Variants in RALGPS2 observed in about 807,000 individuals in gnomAD.
RALGPS2 encodes the protein ras-specific guanine nucleotide-releasing factor RalGPS2.
RALGPS2 carries 43 observed loss-of-function variants against 86.8 expected under a neutral mutation model. The observed-to-expected ratio is 0.50, with a 90% CI of 0.39 to 0.64. The LOEUF (loss-of-function observed/expected upper bound fraction) is 0.64, where lower values mean the gene tolerates loss of function less well. Ranked by LOEUF, RALGPS2 falls within the 30% of genes least tolerant of loss-of-function variation. The pLI, the probability that RALGPS2 is intolerant of heterozygous loss-of-function variation, is 0.00. For synonymous variants in RALGPS2, 243 were observed against 231.3 expected (o/e 1.05, Z -0.46); for missense variants, 536 against 694.6 (o/e 0.77, Z 2.57).
At chr1:178,731,068 C>T (rs1650318942) in intron 1 of RALGPS2, among the ~76,000 whole-genome samples, 1 of 151,958 alleles carries the variant, frequency 6.6e-6, no homozygotes, top group Non-Finnish European at 1.5e-5. Flanking sequence ...TTGATTTACT[C>T]CTTTGTTTTG....
chr1:178,890,195 T>C (rs767129849), intron 14 of RALGPS2, among the ~76,000 whole-genome samples: 3 of 151,970 alleles, frequency 2.0e-5, no homozygotes, highest in African/African-American at 4.8e-5. Flanking sequence ...TGAAATACTC[T>C]AAGTTGTGCT....
At chr1:178,835,931 C>T (rs550054480) in intron 8 of RALGPS2, among the ~76,000 whole-genome samples, 4 of 152,238 alleles carry the variant, frequency 2.6e-5, no homozygotes, top group African/African-American at 7.2e-5. Context: ...TAATTTGTAT[C>T]TTCTAGAAAA....
intron 7 of RALGPS2, among the ~76,000 whole-genome samples, chr1:178,830,868 A>G (rs1655981947): frequency 6.6e-6 from 1 of 152,186 alleles, no homozygotes; most frequent in Admixed American, 6.5e-5. Flanking sequence ...TGTCCAACAC[A>G]AGAATTTGCA....
At chr1:178,732,252 C>A (rs2102004419) in intron 1 of RALGPS2, among the ~76,000 whole-genome samples, 1 of 152,136 alleles carries the variant, frequency 6.6e-6, no homozygotes, top group Middle Eastern at 3.4e-3. Flanking sequence ...AGTAAGGGCT[C>A]ACTTGAGATA....
At chr1:178,818,629 A>G (rs1264400794) in intron 6 of RALGPS2, among the ~76,000 whole-genome samples, 1 of 146,770 alleles carries the variant, frequency 6.8e-6, no homozygotes, top group Non-Finnish European at 1.5e-5. Context: ...GAATCAGTGG[A>G]CACAGAGCCA....
At chr1:178,856,185 T>G (rs1201753502) in intron 8 of RALGPS2, among the ~76,000 whole-genome samples, 1 of 121,710 alleles carries the variant, frequency 8.2e-6, no homozygotes, top group Non-Finnish European at 1.6e-5. Context: ...TTACCTGTAC[T>G]TTTCCAGAGA....
At chr1:178,886,890 G>A (rs1451792449) in intron 13 of RALGPS2, among the ~76,000 whole-genome samples, 1 of 152,112 alleles carries the variant, frequency 6.6e-6, no homozygotes, top group Non-Finnish European at 1.5e-5. Flanking sequence ...GATGAGAATG[G>A]GGAATTGACT....
rs1404706900 is a variant in RALGPS2 at position 178,731,279 on chromosome 1, T to G, written c.-84+5860T>G. Reference sequence around the variant, plus strand: ...ACTTTTCTAGTTGTTTTGGTTTTTTTTTTTTTTTTTTTTTTTTTTTTTGAG... The same window carrying G: ...ACTTTTCTAGTTGTTTTGGTTTTTTGTTTTTTTTTTTTTTTTTTTTTTGAG... On this transcript the variant is annotated intron_variant, in intron 1 of 19. Transcript: ENST00000367635. Among the ~76,000 whole-genome samples the G allele has an allele frequency of 3.6e-5, 4 of 109,738 alleles. No individual in the cohort carries two copies. The South Asian group carries it at 1.4e-3, about 38-fold the overall frequency. The allele number at this position is 109,738 out of a possible 152,430, so 72.0% of individuals were successfully genotyped here. A position where few individuals can be genotyped will look rare whatever the true frequency, so the allele number is the denominator to read the frequency against.
chr1:178,807,053 C>A (rs770539881), intron 4 of RALGPS2, among the ~76,000 whole-genome samples: 1 of 152,168 alleles, frequency 6.6e-6, no homozygotes, highest in Non-Finnish European at 1.5e-5. Context: ...ACTACCGTAT[C>A]TGGGTGTGAT....
In RALGPS2 at chr1:178,889,146, T is replaced by C. The variant is rs528490314; in HGVS notation, c.1193-496T>C. Among the ~76,000 whole-genome samples the C allele has an allele frequency of 1.3e-5, 2 of 152,156 alleles. 1 individual carries two copies. Among genetic ancestry groups the C allele is most frequent in the Admixed American group, 1.3e-4 (2 of 15,258 alleles). On this transcript the variant is annotated intron_variant, in intron 13 of 19. Coordinates refer to ENST00000367635, the MANE Select transcript of RALGPS2 (RefSeq NM_152663.5). ...GTTGCATTTTTATAGCACCGGTTTT[T>C]GGTTTTTTAAATTTAGAGATTCCAT... is the stretch of plus-strand genomic sequence containing the variant.
chr1:178,893,070 G>T (rs998318527), intron 15 of RALGPS2, among the ~76,000 whole-genome samples: 1 of 152,010 alleles, frequency 6.6e-6, no homozygotes, highest in Admixed American at 6.6e-5. Flanking sequence ...GAATAAACTG[G>T]CAAACTTTAG....
intron 6 of RALGPS2, among the ~76,000 whole-genome samples, chr1:178,817,345 TAAAAAAA>T (rs142692953): frequency 3.1e-5 from 3 of 98,050 alleles, no homozygotes; most frequent in Non-Finnish European, 6.0e-5. Context: ...TGTCTCAATT[TAAAAAAA>T]AAAAAAAAAA....
intron 8 of RALGPS2, among the ~76,000 whole-genome samples, chr1:178,857,974 A>G (rs1044478132): frequency 2.0e-5 from 3 of 152,290 alleles, no homozygotes; most frequent in South Asian, 2.1e-4. Context: ...TAAGACTTCA[A>G]TTATGCAAAT....
intron 1 of RALGPS2, among the ~76,000 whole-genome samples, chr1:178,745,822 CTTTTTTTTTTTTTTTT>C (rs34277622): frequency 1.2e-5 from 1 of 86,052 alleles, no homozygotes; most frequent in Non-Finnish European, 2.3e-5. Flanking sequence ...TTCAATTCTT[CTTTTTTTTTTTTTTTT>C]TTTTTTTTGA....
intron 1 of RALGPS2, among the ~76,000 whole-genome samples, chr1:178,730,191 C>T (rs2101999580): frequency 6.6e-6 from 1 of 152,246 alleles, no homozygotes; most frequent in African/African-American, 2.4e-5. Flanking sequence ...ACCCGTTCTC[C>T]CTGGCCTCCC....
At chr1:178,782,154 G>A (rs969501627) in intron 2 of RALGPS2, among the ~76,000 whole-genome samples, 11 of 152,186 alleles carry the variant, frequency 7.2e-5, no homozygotes, top group Non-Finnish European at 1.6e-4. Context: ...CACAGCTTAC[G>A]GGAGCAGAAG....
chr1:178,810,419 T>G (rs1654920712), intron 5 of RALGPS2, among the ~76,000 whole-genome samples: 1 of 152,070 alleles, frequency 6.6e-6, no homozygotes, highest in African/African-American at 2.4e-5. Flanking sequence ...ATATTTGTAT[T>G]AAAATTTGCC....
intron 1 of RALGPS2, among the ~76,000 whole-genome samples, chr1:178,741,830 C>T (rs548895748): frequency 2.6e-4 from 40 of 152,110 alleles, no homozygotes; most frequent in African/African-American, 9.2e-4. Flanking sequence ...TCTAGAAGAC[C>T]TAAACACATT....
chr1:178,914,161 T>C (rs890225282), intron 19 of RALGPS2, among the ~76,000 whole-genome samples: 6 of 152,068 alleles, frequency 3.9e-5, no homozygotes, highest in Non-Finnish European at 8.8e-5. Context: ...ATATGGCAGT[T>C]AGCAAAGGTC....
Sources: gnomAD v4.1 joint callset for allele counts (sites outside exome capture counted in the v4.1 genomes callset) on GRCh38, gnomAD v4.1.1 for gene constraint, MANE v1.5 for transcripts, NCBI Gene and HGNC (gene_info 2026-07-23, HGNC 2026-07-21) for gene names.